The following NTN1 variants were observed in gnomAD, a reference collection of about 807,000 sequenced individuals.
NTN1 encodes netrin-1.
A neutral mutation model predicts 54.2 loss-of-function variants in NTN1; 11 were observed. The ratio of observed to expected loss-of-function variants is 0.20; its 90% CI spans 0.13 to 0.34. The LOEUF (loss-of-function observed/expected upper bound fraction) is 0.34. NTN1 is among the 10% of genes least tolerant of loss of function. The pLI is 1.00. For synonymous variants in NTN1, 371 were observed against 382.0 expected, an observed-to-expected ratio of 0.97 and a Z score of 0.33; for missense variants, 740 against 893.1, an observed-to-expected ratio of 0.83 and a Z score of 2.18.
intron 2 of NTN1, among the ~76,000 whole-genome samples, chr17:9,075,512 AAAAT>A (rs1431263914): frequency 6.6e-6 from 1 of 152,170 alleles, no homozygotes; most frequent in African/African-American, 2.4e-5. Flanking sequence ...AAACAAACAA[AAAAT>A]AAATAAAAAA....
At chr17:9,086,840 C>T (rs1304215375) in intron 2 of NTN1, among the ~76,000 whole-genome samples, 2 of 152,112 alleles carry the variant, frequency 1.3e-5, no homozygotes, top group African/African-American at 4.8e-5. Context: ...GTCATCATCA[C>T]CATTATTGTC....
In NTN1 at chr17:9,201,550, A is replaced by G. The variant is rs181956920; in HGVS notation, c.1411+18581A>G. On this transcript the variant is annotated intron_variant, in intron 5 of 6. Coordinates refer to ENST00000173229, the MANE Select transcript of NTN1 (RefSeq NM_004822.3). ...CAGGAGCTGGTGCATGTTGGCTTCC[A>G]GGAATAGAGCTCAATGGTGCCTCTC... 7.2e-5 allele frequency among the ~76,000 whole-genome samples: 11 copies of G among 152,330 alleles called. 1 individual carries two copies. The East Asian group carries it at 2.1e-3, about 29-fold the overall frequency.
At chr17:9,173,660 C>G (rs1331680625) in intron 3 of NTN1, 2 of 152,400 alleles carry the variant, frequency 1.3e-5, no homozygotes, top group African/African-American at 2.4e-5. Context: ...ACTGTCTCCC[C>G]CAGCCCAGGA....
At chr17:9,226,950 G>A (rs1420413228) in intron 6 of NTN1, among the ~76,000 whole-genome samples, 11 of 151,680 alleles carry the variant, frequency 7.3e-5, no homozygotes, top group Non-Finnish European at 1.5e-4. Context: ...TCCCAGCCCC[G>A]CCCCCCGAGG....
At chr17:9,193,920 TAAAAAAAA>T (rs71361871) in intron 5 of NTN1, among the ~76,000 whole-genome samples, 1 of 44,906 alleles carries the variant, frequency 2.2e-5, no homozygotes, top group Admixed American at 2.6e-4. Flanking sequence ...AAACTCCGAC[TAAAAAAAA>T]AAAAAAAAAA....
At chr17:9,231,293 C>G (rs1450240630) in intron 6 of NTN1, among the ~76,000 whole-genome samples, 3 of 106,340 alleles carry the variant, frequency 2.8e-5, no homozygotes, top group African/African-American at 9.5e-5. Flanking sequence ...CCATGGGGTA[C>G]CCGGGGGGGG....
intron 3 of NTN1, among the ~76,000 whole-genome samples, chr17:9,164,603 C>T (rs1232713924): frequency 3.9e-5 from 6 of 152,186 alleles, no homozygotes; most frequent in Admixed American, 3.9e-4. Context: ...ATGTGGAACA[C>T]TTTTCTCAAA....
At chr17:9,083,875 T>C (rs1436516125) in intron 2 of NTN1, among the ~76,000 whole-genome samples, 1 of 152,142 alleles carries the variant, frequency 6.6e-6, no homozygotes, top group African/African-American at 2.4e-5. Context: ...GAGTCTTCGC[T>C]TCCTTGGGGA....
chr17:9,137,131 G>A (rs1041476757), intron 2 of NTN1, among the ~76,000 whole-genome samples: 4 of 152,076 alleles, frequency 2.6e-5, no homozygotes, highest in African/African-American at 9.7e-5. Context: ...CCTCCTCCAT[G>A]AAGACCTCTC....
At chr17:9,137,302 A>G (rs1041638368) in intron 2 of NTN1, among the ~76,000 whole-genome samples, 4 of 152,052 alleles carry the variant, frequency 2.6e-5, no homozygotes, top group Non-Finnish European at 5.9e-5. Context: ...CCCCCACCCC[A>G]TGCCAGTAAT....
intron 2 of NTN1, among the ~76,000 whole-genome samples, chr17:9,161,981 T>C (rs1301251636): frequency 1.8e-5 from 2 of 109,856 alleles, no homozygotes; most frequent in African/African-American, 6.6e-5. Flanking sequence ...ACAGAGATGA[T>C]GAGTGGTGAA....
intron 5 of NTN1, among the ~76,000 whole-genome samples, chr17:9,218,331 T>G (rs1905257753): frequency 6.6e-6 from 1 of 152,122 alleles, no homozygotes; most frequent in African/African-American, 2.4e-5. Context: ...AAATGGGGCC[T>G]GATTGAAGGG....
intron 2 of NTN1, among the ~76,000 whole-genome samples, chr17:9,082,071 T>C (rs1297807140): frequency 6.6e-6 from 1 of 152,144 alleles, no homozygotes; most frequent in African/African-American, 2.4e-5. Context: ...TTTGTTTGTT[T>C]GTTTTTGAGA....
At chr17:9,230,448 A>AC (rs35782280) in intron 6 of NTN1, among the ~76,000 whole-genome samples, 23,178 of 55,384 alleles carry the variant, frequency 0.42, 2,057 homozygotes, top group Non-Finnish European at 0.45. Context: ...ACCAGATGTG[A>AC]CCCCCCCCCC....
chr17:9,232,714 TA>T (rs1567747822), intron 6 of NTN1, among the ~76,000 whole-genome samples: 1 of 152,102 alleles, frequency 6.6e-6, no homozygotes, highest in Admixed American at 6.5e-5. Flanking sequence ...TTGTTTGATA[TA>T]GACTGGGCAG....
intron 2 of NTN1, among the ~76,000 whole-genome samples, chr17:9,109,656 A>C (rs546722950): frequency 6.6e-6 from 1 of 152,312 alleles, no homozygotes; most frequent in South Asian, 2.1e-4. Context: ...AAGAGGCATA[A>C]ATTGGTCATT....
At chr17:9,163,098 G>T (rs972990557) in intron 3 of NTN1, 97 bp downstream of exon 3, 12 of 1,273,428 alleles carry the variant, frequency 9.4e-6, no homozygotes, top group Non-Finnish European at 1.3e-5. Context: ...CTTCCAGTCT[G>T]TACAAATTGG....
chr17:9,226,709 T>G (rs1017039009), intron 6 of NTN1, among the ~76,000 whole-genome samples: 1 of 152,108 alleles, frequency 6.6e-6, no homozygotes, highest in East Asian at 1.9e-4. Flanking sequence ...TTCAAGCATA[T>G]TCGCGATTCC....
intron 2 of NTN1, among the ~76,000 whole-genome samples, chr17:9,147,483 C>T (rs562036060): frequency 1.3e-5 from 2 of 152,300 alleles, no homozygotes; most frequent in African/African-American, 4.8e-5. Context: ...CACTGCACTC[C>T]AGCCTGGGCG....
Sources: allele counts gnomAD v4.1 joint callset (sites outside exome capture counted in the v4.1 genomes callset), GRCh38; gene constraint gnomAD v4.1.1; transcripts MANE v1.5; gene names NCBI Gene and HGNC (gene_info 2026-07-23, HGNC 2026-07-21).